Variants in EPHA6 observed in about 807,000 individuals in gnomAD.
The protein encoded by EPHA6 is EPH receptor A6.
A neutral mutation model predicts 112.0 loss-of-function variants in EPHA6; 50 were observed. The observed-to-expected ratio is 0.45, with a 90% confidence interval of 0.36 to 0.56. EPHA6 has a LOEUF of 0.56. Among genes scored for constraint, EPHA6 ranks in the 20% least tolerant of loss-of-function variants. EPHA6 has a pLI of 0.00. For synonymous variants in EPHA6, 529 were observed against 490.7 expected (o/e 1.08, Z -1.03); for missense variants, 1,280 against 1,417.4 (o/e 0.90, Z 1.56).
chr3:97,645,178 G>T (rs301945), intron 14 of EPHA6, among the ~76,000 whole-genome samples: 12 of 151,442 alleles, frequency 7.9e-5, no homozygotes, highest in South Asian at 2.1e-4. Flanking sequence ...TATACCCAAA[G>T]GACTATAAAT....
intron 14 of EPHA6, among the ~76,000 whole-genome samples, chr3:97,711,273 C>G (rs1483206239): frequency 6.6e-6 from 1 of 152,054 alleles, no homozygotes; most frequent in Non-Finnish European, 1.5e-5. Context: ...ATTGTGAGGC[C>G]TCCCCAGCCA....
intron 3 of EPHA6, among the ~76,000 whole-genome samples, chr3:97,208,158 C>T (rs2077763784): frequency 6.6e-6 from 1 of 152,076 alleles, no homozygotes; most frequent in Non-Finnish European, 1.5e-5. Context: ...CCCTTGTAAT[C>T]CATGAGAATC....
chr3:97,276,230 G>A (rs1388801273), intron 5 of EPHA6, among the ~76,000 whole-genome samples: 4 of 152,158 alleles, frequency 2.6e-5, no homozygotes, highest in African/African-American at 4.8e-5. Flanking sequence ...GAGGCGATCG[G>A]GCAGTGTCAG....
At chr3:97,127,870 GTTT>G (rs759063632) in intron 3 of EPHA6, among the ~76,000 whole-genome samples, 1 of 147,436 alleles carries the variant, frequency 6.8e-6, no homozygotes, top group African/African-American at 2.5e-5. Flanking sequence ...ATATTCTTTA[GTTT>G]TTTTTTTTAT....
intron 2 of EPHA6, among the ~76,000 whole-genome samples, chr3:96,981,857 A>G (rs556576816): frequency 6.6e-6 from 1 of 152,252 alleles, no homozygotes; most frequent in East Asian, 1.9e-4. Flanking sequence ...TGTTTATAGT[A>G]TTCTCTGATG....
intron 4 of EPHA6, among the ~76,000 whole-genome samples, chr3:97,236,496 C>T (rs187443736): frequency 2.6e-5 from 4 of 152,160 alleles, no homozygotes; most frequent in East Asian, 3.9e-4. Context: ...CAAACATTTA[C>T]GTTGCCTACT....
chr3:97,233,309 C>CAAAAAAAAAAAAAAAAA (rs55764447), intron 4 of EPHA6, among the ~76,000 whole-genome samples: 1 of 86,518 alleles, frequency 1.2e-5, no homozygotes. Context: ...ACAATGTATG[C>CAAAAAAAAAAAAAAAAA]AAAAAAAAAA....
In EPHA6 at chr3:97,254,398, C is replaced by T. The variant is rs1260083441; in HGVS notation, c.1606+10111C>T. ...AGAGACGGGGTTTCACCATGTTAGCCATGATGGTCTCAATCTCCTGACCTC... is the reference window on the plus strand; with the variant it reads ...AGAGACGGGGTTTCACCATGTTAGCTATGATGGTCTCAATCTCCTGACCTC... On this transcript the variant is annotated intron_variant, in intron 5 of 17. Transcript: ENST00000389672. Among the ~76,000 whole-genome samples, 3 of 152,134 alleles carry T rather than the reference C, an allele frequency of 2.0e-5. No homozygotes were observed. In the East Asian group the frequency reaches 5.8e-4, roughly 29 times the overall value.
intron 1 of EPHA6, among the ~76,000 whole-genome samples, chr3:96,839,850 T>G (rs1439175378): frequency 6.6e-6 from 1 of 152,066 alleles, no homozygotes; most frequent in Non-Finnish European, 1.5e-5. Context: ...ATTATATTAT[T>G]AGTATGTTTT....
At chr3:96,882,730 CTGTGTGTGTGTG>C (rs1207060710) in intron 2 of EPHA6, among the ~76,000 whole-genome samples, 4 of 129,314 alleles carry the variant, frequency 3.1e-5, no homozygotes, top group African/African-American at 8.9e-5. Context: ...CATTGTGTGT[CTGTGTGTGTGTG>C]TGTGTGTGTG....
chr3:97,611,628 G>A (rs530441437), intron 13 of EPHA6, among the ~76,000 whole-genome samples: 1 of 151,712 alleles, frequency 6.6e-6, no homozygotes, highest in South Asian at 2.1e-4. Flanking sequence ...CCCCAGCAAA[G>A]GTCATATATT....
intron 3 of EPHA6, among the ~76,000 whole-genome samples, chr3:97,067,947 C>T (rs966137228): frequency 4.6e-5 from 7 of 151,746 alleles, no homozygotes; most frequent in Non-Finnish European, 7.4e-5. Context: ...GAGTTCGAGA[C>T]CAGCCTAGCC....
chr3:97,093,083 A>T (rs576068864), intron 3 of EPHA6, among the ~76,000 whole-genome samples: 2 of 152,258 alleles, frequency 1.3e-5, no homozygotes, highest in African/African-American at 2.4e-5. Flanking sequence ...CATTGGTGAG[A>T]ACCCACCAAC....
At chr3:97,393,576 G>T (rs151008871) in intron 5 of EPHA6, among the ~76,000 whole-genome samples, 2 of 151,818 alleles carry the variant, frequency 1.3e-5, no homozygotes, top group African/African-American at 2.4e-5. Flanking sequence ...TTTCACTCTG[G>T]CAGATACAGA....
rs142308956 is a variant in EPHA6 at position 97,478,775 on chromosome 3, G to A, written c.2004-519G>A. Among the ~76,000 whole-genome samples the A allele has an allele frequency of 7.9e-4, 120 of 152,114 alleles. 1 individual carries two copies. The highest frequency in any genetic ancestry group is 2.7e-3 in the African/African-American group (111 of 41,540). Reference sequence around the variant, plus strand: ...TACTTTGTTTAGCCATTAGAAATTTGATAAACCATCAAATCATATGGATGT... The same window carrying A: ...TACTTTGTTTAGCCATTAGAAATTTAATAAACCATCAAATCATATGGATGT... On this transcript the variant is annotated intron_variant, in intron 8 of 17. Coordinates refer to ENST00000389672, the MANE Select transcript of EPHA6 (RefSeq NM_001080448.3).
intron 5 of EPHA6, among the ~76,000 whole-genome samples, chr3:97,298,465 A>G (rs1203477220): frequency 2.6e-5 from 4 of 152,180 alleles, no homozygotes; most frequent in Non-Finnish European, 5.9e-5. Flanking sequence ...CAACTTAGTA[A>G]ATAATTAATT....
chr3:96,873,954 A>C (rs1376090950), intron 2 of EPHA6, among the ~76,000 whole-genome samples: 1 of 152,144 alleles, frequency 6.6e-6, no homozygotes, highest in Non-Finnish European at 1.5e-5. Flanking sequence ...CACGTTATAT[A>C]TGAAAAAACT....
rs560690865 is a variant in EPHA6 at position 97,218,642 on chromosome 3, A to G, written c.1115-7622A>G. ...TTGACACATAGGGATTATAGGGATTATAATTCAAGATGAGACTTGGTTGGG... is the reference window on the plus strand; with the variant it reads ...TTGACACATAGGGATTATAGGGATTGTAATTCAAGATGAGACTTGGTTGGG... On this transcript the variant is annotated intron_variant, in intron 3 of 17. Transcript: ENST00000389672. 5.6e-4 allele frequency among the ~76,000 whole-genome samples: 85 copies of G among 152,292 alleles called. 1 individual carries two copies. The highest frequency in any genetic ancestry group is 1.9e-3 in the African/African-American group (80 of 41,560).
chr3:96,951,052 T>C (rs2041511866), intron 2 of EPHA6, among the ~76,000 whole-genome samples: 2 of 152,104 alleles, frequency 1.3e-5, no homozygotes, highest in South Asian at 4.1e-4. Flanking sequence ...AGTGGAATTA[T>C]GATAGTAAAA....
Sources: allele counts gnomAD v4.1 joint callset (sites outside exome capture counted in the v4.1 genomes callset), GRCh38; gene constraint gnomAD v4.1.1; transcripts MANE v1.5; gene names NCBI Gene and HGNC (gene_info 2026-07-23, HGNC 2026-07-21).